The following USPL1 variants were observed in gnomAD, a reference collection of about 807,000 sequenced individuals.
USPL1 encodes the protein ubiquitin specific peptidase like 1, also known as SUMO-specific isopeptidase USPL1.
USPL1 carries 27 observed loss-of-function variants against 51.5 expected under a neutral mutation model. The ratio of observed to expected loss-of-function variants is 0.52; its 90% CI spans 0.39 to 0.72. The LOEUF is 0.72. Among genes scored for constraint, USPL1 ranks in the 30% least tolerant of loss-of-function variants. USPL1 has a pLI of 0.00. For missense variants in USPL1, 1,226 were observed against 1,268.0 expected (o/e 0.97, Z 0.50); for synonymous variants, 451 against 459.6 (o/e 0.98, Z 0.24).
rs972754373 is a variant in USPL1, at chr13:30,621,009, G to A, written c.-68-64G>A. ...CTTACTATATACGTCTTATAAAATA[G>A]CATGGTTCTTTTTTATAGTAAATAG... On this transcript the variant is annotated intron_variant, in intron 1 of 8. Transcript: ENST00000255304. 6 of 693,330 alleles carry A rather than the reference G, an allele frequency of 8.7e-6. No homozygotes were observed. In the African/African-American group the frequency reaches 9.4e-5, roughly 11 times the overall value. The allele number at this position is 693,330 out of a possible 1,614,324, so 42.9% of individuals were successfully genotyped here.
rs562371954 is a variant in USPL1, at chr13:30,660,713, C to A, written c.*1357C>A. The A allele has an allele frequency of 6.6e-6, 1 of 152,296 alleles. No individual in the cohort carries two copies. The highest frequency in any genetic ancestry group is 2.1e-4 in the South Asian group (1 of 4,820). The allele number at this position is 152,296 out of a possible 1,614,324, so 9.4% of individuals were successfully genotyped here. On this transcript the variant is annotated 3_prime_UTR_variant, in exon 9 of 9. Transcript: ENST00000255304. ...AGGGCAAGAAACCTTGTTACTTGAA[C>A]TTTAGTAATGTTAAGTGATCAATAA...
At chr13:30,622,324 A>G (rs1251503149) in intron 3 of USPL1, among the ~76,000 whole-genome samples, 1 of 152,156 alleles carries the variant, frequency 6.6e-6, no homozygotes, top group Non-Finnish European at 1.5e-5. Flanking sequence ...AGAGTATAGA[A>G]TCTTGTAAAT....
intron 8 of USPL1, among the ~76,000 whole-genome samples, chr13:30,653,649 A>C (rs565069965): frequency 2.3e-4 from 35 of 152,226 alleles, no homozygotes; most frequent in Non-Finnish European, 4.0e-4. Flanking sequence ...TTCTAAGACT[A>C]TTAAACATTA....
intron 3 of USPL1, 66 bp downstream of exon 3, chr13:30,621,958 G>A (rs1245994251): frequency 3.5e-6 from 4 of 1,151,984 alleles, no homozygotes; most frequent in East Asian, 6.7e-5. Flanking sequence ...TTTATTAATT[G>A]TTTTAAAAGT....
chr13:30,641,439 TA>T (rs1422242263), intron 5 of USPL1, among the ~76,000 whole-genome samples: 6 of 151,844 alleles, frequency 4.0e-5, no homozygotes. Context: ...AGTTCCAGGC[TA>T]GGGGGAGAAC....
At chr13:30,648,977 G>A (rs969084034) in intron 7 of USPL1, among the ~76,000 whole-genome samples, 1 of 152,094 alleles carries the variant, frequency 6.6e-6, no homozygotes. Flanking sequence ...GCTTTTTCCT[G>A]TGCCCCAGCA....
At chr13:30,647,179 T>C in intron 7 of USPL1, 122 bp downstream of exon 7, 1 of 1,172,038 alleles carries the variant, frequency 8.5e-7, no homozygotes, top group Non-Finnish European at 1.2e-6. Flanking sequence ...TTAACATATA[T>C]TTCTGGGTTG....
At chr13:30,631,609 TC>T in intron 4 of USPL1, 135 bp downstream of exon 4, 2 of 802,930 alleles carry the variant, frequency 2.5e-6, no homozygotes, top group African/African-American at 1.7e-5. Flanking sequence ...CAGGTGGGCC[TC>T]CCACCTCAGT....
At chr13:30,631,573 T>G (rs896248628) in intron 4 of USPL1, 99 bp downstream of exon 4, 1 of 1,240,318 alleles carries the variant, frequency 8.1e-7, no homozygotes, top group Admixed American at 2.6e-5. Context: ...TGATCATGTC[T>G]CCTTGCAGCC....
intron 6 of USPL1, 98 bp from the exon 7 acceptor site, chr13:30,646,834 A>G: frequency 7.5e-7 from 1 of 1,326,024 alleles, no homozygotes; most frequent in Non-Finnish European, 1.0e-6. Context: ...ATAAGAAAGT[A>G]TGAATCACGA....
intron 6 of USPL1, among the ~76,000 whole-genome samples, chr13:30,645,838 G>A (rs527360686): frequency 6.6e-6 from 1 of 152,198 alleles, no homozygotes; most frequent in South Asian, 2.1e-4. Context: ...AATAGCACCT[G>A]CCTCTGAGAG....
Position 30,658,314 on chromosome 13 carries a change from C to T in USPL1, c.2237C>T (p.Ser746Phe). The T allele has an allele frequency of 6.2e-7, 1 of 1,614,002 alleles. No homozygotes were observed. Among genetic ancestry groups the T allele is most frequent in the Non-Finnish European group, 8.5e-7 (1 of 1,180,030 alleles). The change falls in exon 9 of 9, where the codon TCT (serine) becomes TTT (phenylalanine). Residue 746 changes from serine to phenylalanine, a missense_variant. Ser to Phe is a radical substitution (Grantham distance 155). Coordinates refer to ENST00000255304, the MANE Select transcript of USPL1 (RefSeq NM_005800.5). ...TTTSKSLQNQ[S>F]LKENQKKPFV... ...ACATCTAAGTCATTACAGAATCAGT[C>T]TCTGAAAGAAAATCAGAAGAAGCCA...
chr13:30,658,388 A>T lies in USPL1; in HGVS notation c.2311A>T (p.Met771Leu), dbSNP rs1951199449. 1.2e-6 allele frequency: 2 copies of T among 1,613,684 alleles called. No homozygotes were observed. The highest frequency in any genetic ancestry group is 1.7e-6 in the Non-Finnish European group (2 of 1,180,008). ...KGLISRGASF[M>L]PLCVSAHNRN... ...CTTAATAAGCAGGGGTGCTTCTTTT[A>T]TGCCACTCTGTGTTTCAGCTCATAA... The change falls in exon 9 of 9, where the codon ATG becomes TTG. Residue 771 changes from methionine (M) to leucine (L), a missense_variant. Physicochemically the swap from Met to Leu is conservative, Grantham distance 15. Coordinates refer to ENST00000255304, the MANE Select transcript of USPL1 (RefSeq NM_005800.5).
chr13:30,619,735 A>G (rs1046445313), intron 1 of USPL1, among the ~76,000 whole-genome samples: 2 of 152,120 alleles, frequency 1.3e-5, no homozygotes, highest in African/African-American at 4.8e-5. Context: ...ACAAAGCCTG[A>G]AAAGCGTAAG....
chr13:30,656,980 T>G (rs1177648791), intron 8 of USPL1, among the ~76,000 whole-genome samples: 3 of 152,256 alleles, frequency 2.0e-5, no homozygotes, highest in East Asian at 3.9e-4. Flanking sequence ...CCATTGAAAT[T>G]GTTCAGGCAA....
Position 30,658,384 on chromosome 13 carries a change from T to C in USPL1, c.2307T>C (p.Ser769=), listed in dbSNP as rs776890138. ...AAGGCTTAATAAGCAGGGGTGCTTCTTTTATGCCACTCTGTGTTTCAGCTC... is the reference window on the plus strand; with the variant it reads ...AAGGCTTAATAAGCAGGGGTGCTTCCTTTATGCCACTCTGTGTTTCAGCTC... ...WVKGLISRGA[S]FMPLCVSAHN... Residue 769 remains serine, a synonymous_variant, in exon 9 of 9, where the codon TCT becomes TCC. Coordinates refer to ENST00000255304, the MANE Select transcript of USPL1 (RefSeq NM_005800.5). The C allele has an allele frequency of 5.0e-6, 8 of 1,613,666 alleles. 1 individual carries two copies. The South Asian group carries it at 8.8e-5, about 18-fold the overall frequency.
rs569230554 is a variant in USPL1 at position 30,628,329 on chromosome 13, A to C, written c.229-2506A>C. Among the ~76,000 whole-genome samples the C allele has an allele frequency of 4.8e-4, 73 of 152,144 alleles. 1 individual carries two copies. The highest frequency in any genetic ancestry group is 1.7e-3 in the African/African-American group (71 of 41,524). On this transcript the variant is annotated intron_variant, in intron 3 of 8. Transcript: ENST00000255304. ...ATTCATCCATGTTGTAGCATGGATGAATATACAGTTAGGAGTTCCTTTTCT... is the reference window on the plus strand; with the variant it reads ...ATTCATCCATGTTGTAGCATGGATGCATATACAGTTAGGAGTTCCTTTTCT...
At chr13:30,641,902 C>CATA (rs1950952380) in intron 5 of USPL1, among the ~76,000 whole-genome samples, 1 of 151,724 alleles carries the variant, frequency 6.6e-6, no homozygotes, top group Non-Finnish European at 1.5e-5. Flanking sequence ...AAACCATTTC[C>CATA]ATAATTTTTT....
chr13:30,630,789 T>C (rs1334291170), intron 3 of USPL1, 46 bp from the exon 4 acceptor site: 1 of 1,505,848 alleles, frequency 6.6e-7, no homozygotes, highest in East Asian at 2.3e-5. Context: ...AAACATGAAG[T>C]TATTTGAATT....
Sources: gnomAD v4.1 joint callset for allele counts (sites outside exome capture counted in the v4.1 genomes callset) on GRCh38, gnomAD v4.1.1 for gene constraint, MANE v1.5 for transcripts, NCBI Gene and HGNC (gene_info 2026-07-23, HGNC 2026-07-21) for gene names.